Variants in TNS3 observed in about 807,000 individuals in gnomAD.
TNS3 encodes tensin 3, also known as tensin-3.
A neutral mutation model predicts 140.9 loss-of-function variants in TNS3; 45 were observed. The observed-to-expected ratio is 0.32, with a 90% CI of 0.25 to 0.41. The LOEUF is 0.41. Ranked by LOEUF, TNS3 falls within the 10% of genes least tolerant of loss-of-function variation. The pLI, the probability that TNS3 is intolerant of heterozygous loss-of-function variation, is 1.00. For synonymous variants in TNS3, 815 were observed against 788.4 expected (o/e 1.03, Z -0.56); for missense variants, 1,716 against 1,906.7 (o/e 0.90, Z 1.86).
intron 2 of TNS3, among the ~76,000 whole-genome samples, chr7:47,522,364 G>A (rs1799012694): frequency 6.6e-6 from 1 of 152,046 alleles, no homozygotes; most frequent in Admixed American, 6.6e-5. Flanking sequence ...CACACCCCCA[G>A]GCCAGCCTCA....
chr7:47,542,732 G>A (rs1180712783), intron 1 of TNS3, among the ~76,000 whole-genome samples: 1 of 151,944 alleles, frequency 6.6e-6, no homozygotes, highest in Admixed American at 6.6e-5. Flanking sequence ...AGTTCAAAAC[G>A]AGTCTGGCCA....
rs535087091 is a variant in TNS3 at position 47,293,879 on chromosome 7, G to C, written c.3677-51C>G. 17 of 1,543,414 alleles carry C rather than the reference G, an allele frequency of 1.1e-5. No individual in the cohort carries two copies. The East Asian group carries it at 1.8e-4, about 16-fold the overall frequency. ...AGAATTTTTTGAAAATGGGAGCATG[G>C]GAGAATTCAATAGAGAGAACATAAA... On this transcript the variant is annotated intron_variant, in intron 24 of 30. Transcript: ENST00000311160.
In TNS3 at chr7:47,400,899, T is replaced by C. The variant is rs1214905856; in HGVS notation, c.739A>G (p.Lys247Glu). The C allele has an allele frequency of 6.2e-7, 1 of 1,614,100 alleles. No homozygotes were observed. The highest frequency in any genetic ancestry group is 1.3e-5 in the African/African-American group (1 of 74,934). Residue 247 changes from lysine (K) to glutamate (E), a missense_variant, in exon 14 of 31, where the codon AAG becomes GAG. Lys to Glu is a moderately conservative substitution (Grantham distance 56). This residue lies in a region of TNS3 where 337 missense variants were observed against 428.9 expected (regional missense o/e 0.79). Transcript: ENST00000311160. ...KGDVMVKCYH[K>E]KYRSATRDVI... is the part of the protein sequence containing the mutation. ...TCACGGGTGGCCGAGCGGTATTTCT[T>C]GTGGTAGCATTTCACCTGGGTTAGA...
chr7:47,501,385 T>G (rs1040225877), intron 3 of TNS3, among the ~76,000 whole-genome samples: 4 of 152,042 alleles, frequency 2.6e-5, no homozygotes. Flanking sequence ...TTCACCAGAT[T>G]CCATCCTCCA....
rs1584542858 is a variant in TNS3 at position 47,389,103 on chromosome 7, C to CA, written c.1024+7696_1024+7697insT. Among the ~76,000 whole-genome samples the CA allele has an allele frequency of 3.9e-3, 65 of 16,462 alleles. 15 individuals carry two copies. Among genetic ancestry groups the CA allele is most frequent in the East Asian group, 0.014 (7 of 500 alleles). The allele number at this position is 16,462 out of a possible 152,430, so 10.8% of individuals were successfully genotyped here. On this transcript the variant is annotated intron_variant, in intron 16 of 30. Transcript: ENST00000311160. ...GAAGAAGAGGAAGAGGAAGAGGAAG[C>CA]GGAAGCAGAAGAAGAAGAAGAAGAA...
At chr7:47,354,028 CACACAA>C (rs1034563525) in intron 17 of TNS3, among the ~76,000 whole-genome samples, 1 of 148,876 alleles carries the variant, frequency 6.7e-6, no homozygotes, top group Non-Finnish European at 1.5e-5. Flanking sequence ...CACACACACA[CACACAA>C]ATTCCAAGGT....
At chr7:47,429,196 A>T (rs1794807480) in intron 8 of TNS3, among the ~76,000 whole-genome samples, 1 of 152,234 alleles carries the variant, frequency 6.6e-6, no homozygotes, top group Non-Finnish European at 1.5e-5. Flanking sequence ...ATTCCATGCC[A>T]TGTGAAAATG....
In TNS3 at chr7:47,415,248, T is replaced by G. The variant is rs375490884; in HGVS notation, c.474-42A>C. Reference sequence around the variant, plus strand: ...TGGGTTACACTTCCCAGAAGTGTCTTCAGCCTCTGCTGAGAAGGGAACTCA... The same window carrying G: ...TGGGTTACACTTCCCAGAAGTGTCTGCAGCCTCTGCTGAGAAGGGAACTCA... On this transcript the variant is annotated intron_variant, in intron 10 of 30. Coordinates refer to ENST00000311160, the MANE Select transcript of TNS3 (RefSeq NM_022748.12). 1.8e-4 allele frequency: 263 copies of G among 1,429,382 alleles called. 3 individuals are homozygous for G. Among genetic ancestry groups the G allele is most frequent in the Non-Finnish European group, 2.4e-4 (251 of 1,038,428 alleles). 88.5% of individuals were successfully genotyped at this position (1,429,382 alleles called of 1,614,324 possible).
chr7:47,359,801 G>T (rs752912568), intron 17 of TNS3, among the ~76,000 whole-genome samples: 3 of 152,198 alleles, frequency 2.0e-5, no homozygotes, highest in Non-Finnish European at 2.9e-5. Context: ...GCGCTAGAAG[G>T]TATCTGTTAT....
At chr7:47,448,819 T>C (rs1795877563) in intron 4 of TNS3, among the ~76,000 whole-genome samples, 1 of 152,136 alleles carries the variant, frequency 6.6e-6, no homozygotes, top group Admixed American at 6.5e-5. Context: ...GACTGCTTGT[T>C]TGAACAAATC....
chr7:47,475,155 GAC>G (rs1487925074), intron 4 of TNS3, among the ~76,000 whole-genome samples: 2 of 152,162 alleles, frequency 1.3e-5, no homozygotes, highest in African/African-American at 4.8e-5. Flanking sequence ...ACAGACCACA[GAC>G]ACACGCATCT....
intron 1 of TNS3, among the ~76,000 whole-genome samples, chr7:47,556,556 G>A (rs568079326): frequency 2.0e-5 from 3 of 152,290 alleles, no homozygotes; most frequent in East Asian, 1.9e-4. Flanking sequence ...ATCCACAGGC[G>A]AGCATGATTA....
At chr7:47,442,749 G>A (rs1722791433) in intron 4 of TNS3, among the ~76,000 whole-genome samples, 1 of 152,108 alleles carries the variant, frequency 6.6e-6, no homozygotes, top group Admixed American at 6.5e-5. Flanking sequence ...GTCTCTTTCT[G>A]CCCCAAGCCA....
rs56939479 is a variant in TNS3 at position 47,316,094 on chromosome 7, T to TTCTCTC, written c.2651-11097_2651-11092dup. ...TGAGACTATCCACCTAACTAACTAT[T>TTCTCTC]TCTCTCTCTCTCTCTCTCTCTCTCT... On this transcript the variant is annotated intron_variant, in intron 20 of 30. Coordinates refer to ENST00000311160, the MANE Select transcript of TNS3 (RefSeq NM_022748.12). Among the ~76,000 whole-genome samples the TTCTCTC allele has an allele frequency of 5.7e-3, 601 of 105,836 alleles. 20 individuals carry two copies. The highest frequency in any genetic ancestry group is 8.2e-3 in the Non-Finnish European group (415 of 50,692). The allele number at this position is 105,836 out of a possible 152,430, so 69.4% of individuals were successfully genotyped here.
intron 20 of TNS3, among the ~76,000 whole-genome samples, chr7:47,340,147 C>G (rs1370218788): frequency 2.0e-5 from 1 of 49,760 alleles, no homozygotes; most frequent in Non-Finnish European, 4.0e-5. Flanking sequence ...TTTTTTGAGA[C>G]GGAGTCTAGC....
At chr7:47,410,745 C>T (rs942036656) in intron 13 of TNS3, among the ~76,000 whole-genome samples, 1 of 152,232 alleles carries the variant, frequency 6.6e-6, no homozygotes, top group African/African-American at 2.4e-5. Context: ...AGTCACCCTA[C>T]TGCCTTATAG....
chr7:47,380,710 C>A (rs1375208756), intron 16 of TNS3, among the ~76,000 whole-genome samples: 3 of 152,108 alleles, frequency 2.0e-5, no homozygotes, highest in African/African-American at 7.2e-5. Context: ...AGAAGCCACA[C>A]ACATGCACAC....
chr7:47,468,533 G>A (rs959603050), intron 4 of TNS3, among the ~76,000 whole-genome samples: 5 of 152,136 alleles, frequency 3.3e-5, no homozygotes, highest in Admixed American at 1.3e-4. Context: ...TGGCCACTGC[G>A]TTTAAGGGCC....
At chr7:47,580,577 G>A (rs1473223995) in intron 1 of TNS3, among the ~76,000 whole-genome samples, 1 of 124,106 alleles carries the variant, frequency 8.1e-6, no homozygotes, top group African/African-American at 3.2e-5. Context: ...TAATGGCCTT[G>A]CCCCTCCACC....
Sources: allele counts gnomAD v4.1 joint callset (sites outside exome capture counted in the v4.1 genomes callset), GRCh38; gene constraint gnomAD v4.1.1; regional missense constraint gnomAD v4.1.1; transcripts MANE v1.5; gene names NCBI Gene and HGNC (gene_info 2026-07-23, HGNC 2026-07-21).